The following AZIN1 variants were observed in gnomAD, a reference collection of about 807,000 sequenced individuals.
AZIN1 encodes the protein ornithine decarboxylase antizyme inhibitor.
In AZIN1, 12 loss-of-function variants were observed where a neutral mutation model predicts 47.4. That is an observed-to-expected ratio of 0.25 (90% CI 0.16 to 0.41). The LOEUF (loss-of-function observed/expected upper bound fraction) is 0.41, where lower values mean the gene tolerates loss of function less well. Ranked by LOEUF, AZIN1 falls within the 10% of genes least tolerant of loss-of-function variation. The probability of loss-of-function intolerance (pLI) is 1.00; values close to 1 mark genes in which losing one functional copy is unlikely to be tolerated. For missense variants in AZIN1, 410 were observed against 532.4 expected (o/e 0.77, Z 2.26); for synonymous variants, 155 against 176.3 (o/e 0.88, Z 0.96).
At chr8:102,860,849 TC>T (rs1354450617) in intron 1 of AZIN1, among the ~76,000 whole-genome samples, 2 of 152,270 alleles carry the variant, frequency 1.3e-5, no homozygotes, top group Non-Finnish European at 2.9e-5. Flanking sequence ...GAGAAAAACA[TC>T]AGGTAAACCC....
chr8:102,853,151 T>G (rs2131269072), intron 2 of AZIN1, among the ~76,000 whole-genome samples: 1 of 152,382 alleles, frequency 6.6e-6, no homozygotes, highest in East Asian at 1.9e-4. Context: ...GTAGTCAGTA[T>G]TAATTTTCTC....
At chr8:102,842,782 G>A in intron 3 of AZIN1, among the ~76,000 whole-genome samples, 1 of 151,656 alleles carries the variant, frequency 6.6e-6, no homozygotes. Flanking sequence ...TGTAATCCCA[G>A]CTACTCGGGA....
intron 4 of AZIN1, among the ~76,000 whole-genome samples, 162 bp from the exon 5 acceptor site, chr8:102,839,078 A>ATC (rs201592835): frequency 0.044 from 6,727 of 152,296 alleles, 221 homozygotes; most frequent in Non-Finnish European, 0.066. Flanking sequence ...TGCAGCCTCC[A>ATC]TCTCTGGGGC....
chr8:102,862,212 G>T (rs746950926), intron 1 of AZIN1, among the ~76,000 whole-genome samples: 1 of 152,146 alleles, frequency 6.6e-6, no homozygotes, highest in South Asian at 2.1e-4. Flanking sequence ...GGTTTATACT[G>T]ATGTGAATTT....
Position 102,858,130 on chromosome 8 carries a change from T to C in AZIN1, c.-213A>G, listed in dbSNP as rs1813406699. 2.5e-6 allele frequency: 1 copy of C among 398,976 alleles called. No individual in the cohort carries two copies. The allele number at this position is 398,976 out of a possible 1,614,324, so 24.7% of individuals were successfully genotyped here. A position where few individuals can be genotyped will look rare whatever the true frequency, so the allele number is the denominator to read the frequency against. ...CTCCTAGGCCCTCTGGGTAGTTGTATACTTGGTCAGAAAGTTCGCCCTAAA... is the reference window on the plus strand; with the variant it reads ...CTCCTAGGCCCTCTGGGTAGTTGTACACTTGGTCAGAAAGTTCGCCCTAAA... On this transcript the variant is annotated 5_prime_UTR_variant, in exon 2 of 12. Transcript: ENST00000337198.
At chr8:102,830,796 C>G (rs2131192404) in intron 9 of AZIN1, among the ~76,000 whole-genome samples, 1 of 152,300 alleles carries the variant, frequency 6.6e-6, no homozygotes, top group South Asian at 2.1e-4. Context: ...TACAAAACAT[C>G]AGAGAGCAGG....
chr8:102,830,093 G>A (rs2131189414), intron 9 of AZIN1, 157 bp from the exon 10 acceptor site: 1 of 585,712 alleles, frequency 1.7e-6, no homozygotes, highest in Non-Finnish European at 3.0e-6. Flanking sequence ...CACAAGAAAA[G>A]AGTGCTCTAG....
chr8:102,839,351 A>T (rs1812028982), intron 4 of AZIN1, among the ~76,000 whole-genome samples: 1 of 152,196 alleles, frequency 6.6e-6, no homozygotes, highest in African/African-American at 2.4e-5. Context: ...GAAATCTCAG[A>T]GTTTAGATAT....
intron 1 of AZIN1, among the ~76,000 whole-genome samples, chr8:102,862,791 A>G (rs73699322): frequency 0.016 from 2,430 of 152,320 alleles, 62 homozygotes; most frequent in African/African-American, 0.055. Flanking sequence ...CACAAAATTC[A>G]GTTAAATGTG....
intron 5 of AZIN1, among the ~76,000 whole-genome samples, chr8:102,837,351 T>G (rs1218442191): frequency 6.6e-6 from 1 of 152,246 alleles, no homozygotes; most frequent in Non-Finnish European, 1.5e-5. Flanking sequence ...TTAAATTTCT[T>G]TAATTTCAGG....
intron 2 of AZIN1, among the ~76,000 whole-genome samples, chr8:102,852,066 T>C (rs1052353424): frequency 5.3e-5 from 8 of 152,192 alleles, no homozygotes; most frequent in Non-Finnish European, 1.5e-5. Flanking sequence ...ATTAGGAGTA[T>C]TATTTTTGGG....
intron 8 of AZIN1, 148 bp from the exon 9 acceptor site, chr8:102,833,366 A>G: frequency 3.4e-6 from 2 of 595,540 alleles, no homozygotes; most frequent in Non-Finnish European, 5.5e-6. Flanking sequence ...GTTATCTCCA[A>G]GCAATTAATT....
Position 102,827,591 on chromosome 8 carries a change from C to T in AZIN1, c.*976G>A, listed in dbSNP as rs1278535537. ...AGTTTTAGTGCTCTGCAGTTTTCTG[C>T]AATTTTATTTCCCTCCCCCCAAGTT... On this transcript the variant is annotated 3_prime_UTR_variant, in exon 12 of 12. Transcript: ENST00000337198. 1 of 152,236 alleles carries T rather than the reference C, an allele frequency of 6.6e-6. No individual in the cohort carries two copies. The highest frequency in any genetic ancestry group is 2.4e-5 in the African/African-American group (1 of 41,430). The allele number at this position is 152,236 out of a possible 1,614,324, so 9.4% of individuals were successfully genotyped here.
intron 5 of AZIN1, among the ~76,000 whole-genome samples, chr8:102,837,636 A>G (rs1811906706): frequency 6.6e-6 from 1 of 152,220 alleles, no homozygotes; most frequent in South Asian, 2.1e-4. Flanking sequence ...TCACAGAACA[A>G]TATTTTTTAG....
In AZIN1 at chr8:102,827,214, C is replaced by T. The variant is rs781533276; in HGVS notation, c.*1353G>A. ...ACAGAGTAAGTTAGGAAAAAATGACCCCTGTTGTTTATTACTATTGTGATT... is the reference window on the plus strand; with the variant it reads ...ACAGAGTAAGTTAGGAAAAAATGACTCCTGTTGTTTATTACTATTGTGATT... On this transcript the variant is annotated 3_prime_UTR_variant, in exon 12 of 12. Coordinates refer to ENST00000337198, the MANE Select transcript of AZIN1 (RefSeq NM_148174.4). 9 of 152,414 alleles carry T rather than the reference C, an allele frequency of 5.9e-5. No homozygotes were observed. Among genetic ancestry groups the T allele is most frequent in the Non-Finnish European group, 1.3e-4 (9 of 67,992 alleles). The allele number at this position is 152,414 out of a possible 1,614,324, so 9.4% of individuals were successfully genotyped here.
intron 5 of AZIN1, 73 bp from the exon 6 acceptor site, chr8:102,836,463 T>C (rs1490013947): frequency 6.7e-7 from 1 of 1,503,490 alleles, no homozygotes; most frequent in Non-Finnish European, 9.1e-7. Flanking sequence ...CTGAAGATTG[T>C]AGGAAGTGTG....
chr8:102,862,349 G>A (rs1813732219), intron 1 of AZIN1, among the ~76,000 whole-genome samples: 1 of 152,064 alleles, frequency 6.6e-6, no homozygotes, highest in African/African-American at 2.4e-5. Context: ...GTTAATTACA[G>A]AATCTAGGTG....
intron 2 of AZIN1, among the ~76,000 whole-genome samples, chr8:102,848,323 C>CAAAA (rs60663839): frequency 2.2e-5 from 2 of 91,586 alleles, no homozygotes; most frequent in African/African-American, 3.9e-5. Flanking sequence ...ACTAAAAGGC[C>CAAAA]AAAAAAAAAA....
intron 7 of AZIN1, 42 bp from the exon 8 acceptor site, chr8:102,834,305 T>A: frequency 6.6e-7 from 1 of 1,514,900 alleles, no homozygotes. Context: ...TTCCAAATTG[T>A]AATGGATATG....
Sources: gnomAD v4.1 joint callset for allele counts (sites outside exome capture counted in the v4.1 genomes callset) on GRCh38, gnomAD v4.1.1 for gene constraint, MANE v1.5 for transcripts, NCBI Gene and HGNC (gene_info 2026-07-23, HGNC 2026-07-21) for gene names.